KCNT1: variants seen among roughly 807,000 people sequenced by gnomAD.
The protein encoded by KCNT1 is potassium channel subfamily T member 1.
Under a neutral mutation model 147.8 loss-of-function variants are expected in KCNT1, and 78 were observed. The ratio of observed to expected loss-of-function variants is 0.53; its 90% CI spans 0.44 to 0.64. The LOEUF is 0.64. KCNT1 is among the 30% of genes least tolerant of loss of function. The pLI, the probability that KCNT1 is intolerant of heterozygous loss-of-function variation, is 0.00. For synonymous variants in KCNT1, 867 were observed against 748.8 expected (o/e 1.16, Z -2.58); for missense variants, 1,419 against 1,750.3 (o/e 0.81, Z 3.38).
chr9:135,721,608 C>G (rs920298138), intron 2 of KCNT1, among the ~76,000 whole-genome samples: 1 of 152,234 alleles, frequency 6.6e-6, no homozygotes, highest in South Asian at 2.1e-4. Flanking sequence ...TCCTGGACCC[C>G]CTTGGTGTGC....
Position 135,770,340 on chromosome 9 carries a change from G to T in KCNT1, c.1662G>T (p.Gly554=). 6.2e-7 allele frequency: 1 copy of T among 1,612,414 alleles called. No homozygotes were observed. ...CGGAGCAGTGGCAGCGCATGTATGG[G>T]CGCTGCTCCGGCAACGAGGTGTACC... ...ESPEQWQRMY[G]RCSGNEVYHI... The change falls in exon 17 of 31, where the codon GGG becomes GGT. Residue 554 remains glycine, a synonymous_variant. Coordinates refer to ENST00000371757, the MANE Select transcript of KCNT1 (RefSeq NM_020822.3).
chr9:135,774,017 G>C (rs751423750), intron 19 of KCNT1, among the ~76,000 whole-genome samples: 35 of 151,872 alleles, frequency 2.3e-4, no homozygotes, highest in Admixed American at 3.3e-4. Flanking sequence ...GGGTGGGTGT[G>C]CAAGGGGGGT....
intron 1 of KCNT1, among the ~76,000 whole-genome samples, chr9:135,713,359 A>T (rs1211675842): frequency 6.6e-6 from 1 of 152,242 alleles, no homozygotes; most frequent in Admixed American, 6.5e-5. Context: ...TGACCTCAGA[A>T]CAAGGAGCAG....
At chr9:135,791,988 G>A (rs987536775) in intron 30 of KCNT1, 53 bp from the exon 31 acceptor site, 6 of 1,604,878 alleles carry the variant, frequency 3.7e-6, no homozygotes, top group Admixed American at 1.7e-5. Flanking sequence ...AGAGGGCTGA[G>A]CAGGGGCTGC....
At chr9:135,710,118 C>T (rs558342872) in intron 1 of KCNT1, among the ~76,000 whole-genome samples, 8 of 152,172 alleles carry the variant, frequency 5.3e-5, no homozygotes, top group Non-Finnish European at 8.8e-5. Context: ...TTTTGTTAAA[C>T]AGCAGTGTTT....
chr9:135,720,132 G>A (rs974689852), intron 2 of KCNT1, among the ~76,000 whole-genome samples: 1 of 152,088 alleles, frequency 6.6e-6, no homozygotes, highest in African/African-American at 2.4e-5. Context: ...AGGAATGGGT[G>A]CAGAAGGAGG....
At chr9:135,786,096 A>C in intron 28 of KCNT1, 101 bp from the exon 29 acceptor site, 1 of 1,081,728 alleles carries the variant, frequency 9.2e-7, no homozygotes, top group Non-Finnish European at 1.3e-6. Flanking sequence ...GCAGGCCCCA[A>C]GCTGCAGAGC....
chr9:135,773,470 G>T (rs561901727), intron 19 of KCNT1, among the ~76,000 whole-genome samples: 3 of 152,360 alleles, frequency 2.0e-5, no homozygotes, highest in African/African-American at 7.2e-5. Context: ...CTCTGAGCAG[G>T]GTCCCTGTGC....
At chr9:135,776,994 C>G (rs1393439293) in intron 20 of KCNT1, among the ~76,000 whole-genome samples, 1 of 152,270 alleles carries the variant, frequency 6.6e-6, no homozygotes, top group African/African-American at 2.4e-5. Context: ...GGCGTGCTCA[C>G]TGCTGTTGGC....
In KCNT1 at chr9:135,772,857, C is replaced by G. The variant is rs758589013; in HGVS notation, c.2151C>G (p.Ala717=). The change falls in exon 19 of 31, where the codon GCC becomes GCG. Residue 717 remains alanine, a synonymous_variant. Coordinates refer to ENST00000371757, the MANE Select transcript of KCNT1 (RefSeq NM_020822.3). ...GCATCGCGCCCGTCCTGGAACTGGC[C>G]GACAGCTCAGCCCTGCTGCCCTGCG... ...RPSIAPVLEL[A]DSSALLPCDL... is the part of the protein sequence containing the mutation. 1.9e-6 allele frequency: 3 copies of G among 1,548,602 alleles called. No individual in the cohort carries two copies. Among genetic ancestry groups the G allele is most frequent in the Non-Finnish European group, 2.6e-6 (3 of 1,146,874 alleles).
At chr9:135,769,282 G>A (rs1240814339) in intron 15 of KCNT1, among the ~76,000 whole-genome samples, 2 of 149,696 alleles carry the variant, frequency 1.3e-5, no homozygotes, top group Non-Finnish European at 3.0e-5. Flanking sequence ...GTTGGGTGAT[G>A]GTGCGTCTGG....
chr9:135,752,202 T>C lies in KCNT1; in HGVS notation c.434+1161T>C, dbSNP rs1831216848. The C allele has an allele frequency of 2.7e-6, 1 of 365,106 alleles. No homozygotes were observed. Among genetic ancestry groups the C allele is most frequent in the Non-Finnish European group, 5.4e-6 (1 of 184,904 alleles). The allele number at this position is 365,106 out of a possible 1,614,324, so 22.6% of individuals were successfully genotyped here. A position where few individuals can be genotyped will look rare whatever the true frequency, so the allele number is the denominator to read the frequency against. ...CCCCCCTCTGGCTGCGCAGAGCAGG[T>C]TCTTCCCTGGAGAGAAGGCCTGACT... On this transcript the variant is annotated intron_variant, in intron 4 of 30. Coordinates refer to ENST00000371757, the MANE Select transcript of KCNT1 (RefSeq NM_020822.3). The surrounding 1 kb of genome is among the most constrained non-coding windows in gnomAD (Gnocchi z 5.1).
chr9:135,791,007 T>G (rs944114645), intron 29 of KCNT1: 1 of 152,242 alleles, frequency 6.6e-6, no homozygotes, highest in African/African-American at 2.4e-5. Flanking sequence ...GTGGGACACA[T>G]GCCCACGCCC....
chr9:135,702,566 GC>G (rs1237508871), intron 1 of KCNT1, among the ~76,000 whole-genome samples, 198 bp downstream of exon 1: 3 of 152,178 alleles, frequency 2.0e-5, no homozygotes, highest in Non-Finnish European at 4.4e-5. Flanking sequence ...ATCAGCAGGT[GC>G]CGAGGCAGCA....
intron 2 of KCNT1, among the ~76,000 whole-genome samples, chr9:135,735,311 C>T (rs1342939973): frequency 1.3e-5 from 2 of 152,188 alleles, no homozygotes; most frequent in African/African-American, 4.8e-5. Flanking sequence ...AGCATGATGG[C>T]GGCTCAGCGT....
intron 20 of KCNT1, among the ~76,000 whole-genome samples, chr9:135,777,081 CA>C (rs1471497413): frequency 6.6e-6 from 1 of 152,238 alleles, no homozygotes; most frequent in African/African-American, 2.4e-5. Context: ...AGCCACATGC[CA>C]AAACCACATG....
intron 24 of KCNT1, among the ~76,000 whole-genome samples, chr9:135,783,406 G>A (rs998442): frequency 6.6e-6 from 1 of 152,182 alleles, no homozygotes; most frequent in Non-Finnish European, 1.5e-5. Context: ...GGCCTCCAGA[G>A]GGAGCGGGGC....
At position 135,788,193 on chromosome 9, in the gene KCNT1, G is replaced by T. The variant is rs76374199; in HGVS notation, c.3502+1672G>T. ...TCTGCCCTGGCGGGTGCCGACCACC[G>T]CACAACGGGGCTCGCCAACCCTTCA... On this transcript the variant is annotated intron_variant, in intron 29 of 30. Coordinates refer to ENST00000371757, the MANE Select transcript of KCNT1 (RefSeq NM_020822.3). 3.2e-6 allele frequency: 5 copies of T among 1,579,856 alleles called. No homozygotes were observed. In the South Asian group the frequency reaches 5.5e-5, roughly 17 times the overall value.
At chr9:135,726,760 C>CCT (rs1231324508) in intron 2 of KCNT1, among the ~76,000 whole-genome samples, 1 of 98,428 alleles carries the variant, frequency 1.0e-5, no homozygotes, top group African/African-American at 3.8e-5. Flanking sequence ...TCCCTCTCTC[C>CCT]CTCTCTCTCT....
Sources: gnomAD v4.1 joint callset for allele counts (sites outside exome capture counted in the v4.1 genomes callset) on GRCh38, gnomAD v4.1.1 for gene constraint, Gnocchi (gnomAD v3.1) non-coding constraint, MANE v1.5 for transcripts, NCBI Gene and HGNC (gene_info 2026-07-23, HGNC 2026-07-21) for gene names.